The following CERS6 variants were observed in gnomAD, a reference collection of about 807,000 sequenced individuals.
The protein encoded by CERS6 is LAG1 homolog, ceramide synthase 6.
In CERS6, 26 loss-of-function variants were observed where a neutral mutation model predicts 56.8. The ratio of observed to expected loss-of-function variants is 0.46; its 90% CI spans 0.34 to 0.63. CERS6 has a LOEUF of 0.63. Ranked by LOEUF, CERS6 falls within the 30% of genes least tolerant of loss-of-function variation. CERS6 has a pLI of 0.01. For missense variants in CERS6, 415 were observed against 467.5 expected, an observed-to-expected ratio of 0.89 and a Z score of 1.04; for synonymous variants, 164 against 173.3, an observed-to-expected ratio of 0.95 and a Z score of 0.42.
At chr2:168,552,270 G>A (rs1044990543) in intron 2 of CERS6, among the ~76,000 whole-genome samples, 1 of 150,570 alleles carries the variant, frequency 6.6e-6, no homozygotes, top group Admixed American at 6.6e-5. Context: ...TCATTTCTTT[G>A]CCTGGAAATC....
chr2:168,504,100 G>C (rs141862809), intron 1 of CERS6, among the ~76,000 whole-genome samples: 2 of 152,300 alleles, frequency 1.3e-5, no homozygotes, highest in African/African-American at 4.8e-5. Context: ...TAAGACGAGT[G>C]TCTTGTGAGG....
chr2:168,571,280 G>A lies in CERS6; in HGVS notation c.407+9958G>A, dbSNP rs540337950. Among the ~76,000 whole-genome samples the A allele has an allele frequency of 4.0e-5, 6 of 151,892 alleles. No individual in the cohort carries two copies. The South Asian group carries it at 1.2e-3, about 32-fold the overall frequency. ...GAGCTGGAGTGTTTGATTTCCTCCT[G>A]GCTATTCGCCTTGCGGTTATTAGCT... On this transcript the variant is annotated intron_variant, in intron 3 of 9. Coordinates refer to ENST00000305747, the MANE Select transcript of CERS6 (RefSeq NM_203463.3).
chr2:168,668,633 T>C (rs1009457602), intron 4 of CERS6, among the ~76,000 whole-genome samples: 1 of 151,962 alleles, frequency 6.6e-6, no homozygotes, highest in African/African-American at 2.4e-5. Context: ...TTAATTTTTT[T>C]AGTAGAGATG....
chr2:168,755,532 G>T (rs1472597317), intron 8 of CERS6, among the ~76,000 whole-genome samples: 1 of 152,112 alleles, frequency 6.6e-6, no homozygotes, highest in Non-Finnish European at 1.5e-5. Context: ...CAATAACCAT[G>T]CCCCCACCCC....
intron 4 of CERS6, among the ~76,000 whole-genome samples, chr2:168,631,844 A>ATATATATTATATATTATATAATATATAT (rs1491229253): frequency 7.8e-6 from 1 of 128,614 alleles, no homozygotes; most frequent in Non-Finnish European, 1.6e-5. Context: ...ATATTATATA[A>ATATATATTATATATTATATAATATATAT]TATATATTAT....
intron 6 of CERS6, among the ~76,000 whole-genome samples, chr2:168,699,070 C>G (rs1163514524): frequency 2.0e-5 from 3 of 152,286 alleles, no homozygotes; most frequent in African/African-American, 7.2e-5. Context: ...GCTGCCATCT[C>G]TCATTAGGGA....
chr2:168,717,721 T>A (rs1021743616), intron 7 of CERS6, 151 bp from the exon 8 acceptor site: 10 of 574,860 alleles, frequency 1.7e-5, no homozygotes, highest in Admixed American at 6.6e-5. Context: ...GCATGATGTA[T>A]GACATTTCAA....
intron 1 of CERS6, among the ~76,000 whole-genome samples, chr2:168,529,297 G>T (rs1448347780): frequency 6.6e-6 from 1 of 152,176 alleles, no homozygotes; most frequent in Non-Finnish European, 1.5e-5. Flanking sequence ...ATTCTTCTGG[G>T]GGGAGTTTTA....
At position 168,561,195 on chromosome 2, in the gene CERS6, C is replaced by T. The variant is rs1695779782; in HGVS notation, c.280C>T (p.Pro94Ser). The T allele has an allele frequency of 6.2e-7, 1 of 1,613,608 alleles. No individual in the cohort carries two copies. The highest frequency in any genetic ancestry group is 8.5e-7 in the Non-Finnish European group (1 of 1,179,670). The part of the protein sequence containing the change: ...EKVFTAITKH[P>S]DEKRLEGLSK... ...TTTCTGGTACCTTGTTTCATAGCATCCTGATGAAAAGAGATTGGAAGGCCT... is the reference window on the plus strand; with the variant it reads ...TTTCTGGTACCTTGTTTCATAGCATTCTGATGAAAAGAGATTGGAAGGCCT... Residue 94 changes from proline to serine, a missense_variant, in exon 3 of 10, where the codon CCT becomes TCT. Physicochemically the swap from Pro to Ser is moderately conservative, Grantham distance 74. Coordinates refer to ENST00000305747, the MANE Select transcript of CERS6 (RefSeq NM_203463.3).
chr2:168,700,479 A>C (rs1481447838), intron 6 of CERS6, among the ~76,000 whole-genome samples: 1 of 152,216 alleles, frequency 6.6e-6, no homozygotes, highest in African/African-American at 2.4e-5. Flanking sequence ...AACACCATTG[A>C]TTCATAAAGG....
chr2:168,481,314 CT>C (rs1214209386), intron 1 of CERS6, among the ~76,000 whole-genome samples: 1 of 152,162 alleles, frequency 6.6e-6, no homozygotes, highest in Admixed American at 6.5e-5. Flanking sequence ...ACTCTGGAGG[CT>C]GAGGCAGGAG....
At chr2:168,601,256 C>T (rs931330922) in intron 3 of CERS6, among the ~76,000 whole-genome samples, 1 of 152,138 alleles carries the variant, frequency 6.6e-6, no homozygotes, top group East Asian at 1.9e-4. Context: ...CATAAGGTCA[C>T]GGCCTAATCT....
chr2:168,503,346 A>G (rs1334504608), intron 1 of CERS6, among the ~76,000 whole-genome samples: 1 of 152,174 alleles, frequency 6.6e-6, no homozygotes, highest in Non-Finnish European at 1.5e-5. Context: ...CAGTAGAGTC[A>G]TGGAAGATAC....
intron 8 of CERS6, among the ~76,000 whole-genome samples, chr2:168,741,418 G>A (rs1574209948): frequency 1.3e-5 from 2 of 150,578 alleles, no homozygotes; most frequent in Non-Finnish European, 3.0e-5. Context: ...TAGAAAACCA[G>A]TTAGAGCAGG....
intron 6 of CERS6, among the ~76,000 whole-genome samples, chr2:168,702,415 G>T (rs189324258): frequency 6.6e-6 from 1 of 152,060 alleles, no homozygotes; most frequent in Non-Finnish European, 1.5e-5. Flanking sequence ...AGCTTGTCAC[G>T]TTGTTTCAAA....
chr2:168,555,299 G>A (rs11681757), intron 2 of CERS6, among the ~76,000 whole-genome samples: 60,703 of 151,762 alleles, frequency 0.4, 14,730 homozygotes, highest in Non-Finnish European at 0.55. Flanking sequence ...GGGTAAAATT[G>A]AAATTTCAGA....
intron 3 of CERS6, among the ~76,000 whole-genome samples, chr2:168,586,360 G>A (rs1683542561): frequency 6.6e-6 from 1 of 151,910 alleles, no homozygotes; most frequent in African/African-American, 2.4e-5. Flanking sequence ...CCCTTTGAAA[G>A]CATTTGTATA....
At chr2:168,695,644 A>G (rs73973407) in intron 6 of CERS6, among the ~76,000 whole-genome samples, 1,895 of 152,280 alleles carry the variant, frequency 0.012, 29 homozygotes, top group African/African-American at 0.042. Flanking sequence ...CTGTGACACC[A>G]TATTTGGATT....
intron 6 of CERS6, among the ~76,000 whole-genome samples, chr2:168,713,310 C>T (rs566469968): frequency 2.6e-5 from 4 of 151,966 alleles, no homozygotes; most frequent in Non-Finnish European, 4.4e-5. Context: ...TGCTGTCTCC[C>T]CTAGAGAGAG....
Sources: gnomAD v4.1 joint callset for allele counts (sites outside exome capture counted in the v4.1 genomes callset) on GRCh38, gnomAD v4.1.1 for gene constraint, MANE v1.5 for transcripts, NCBI Gene and HGNC (gene_info 2026-07-23, HGNC 2026-07-21) for gene names.